Variants in PDE1B observed in about 807,000 individuals in gnomAD.
PDE1B encodes phosphodiesterase 1B, also known as dual specificity calcium/calmodulin-dependent 3',5'-cyclic nucleotide phosphodiesterase 1B.
PDE1B carries 13 observed loss-of-function variants against 66.7 expected under a neutral mutation model. That is an observed-to-expected ratio of 0.19 (90% CI 0.13 to 0.31). The LOEUF is 0.31. Among genes scored for constraint, PDE1B ranks in the 10% least tolerant of loss-of-function variants. PDE1B has a pLI of 1.00. For synonymous variants in PDE1B, 230 were observed against 253.9 expected (o/e 0.91, Z 0.90); for missense variants, 485 against 682.3 (o/e 0.71, Z 3.22).
Position 54,576,566 on chromosome 12 carries a change from T to C in PDE1B, c.1377-5T>C, listed in dbSNP as rs756697719. 4 of 1,613,848 alleles carry C rather than the reference T, an allele frequency of 2.5e-6. No individual in the cohort carries two copies. In the African/African-American group the frequency reaches 5.3e-5, roughly 22 times the overall value. The stretch of plus-strand genomic sequence containing the variant: ...TCTTGCGGCTTTTGGGGGTTCTGCT[T>C]CTAGCTTTCAGTGGCGCCAGCCCTC... On this transcript the variant is annotated splice_polypyrimidine_tract_variant and splice_region_variant and intron_variant, in intron 13 of 15. Coordinates refer to ENST00000243052, the MANE Select transcript of PDE1B (RefSeq NM_000924.4).
intron 2 of PDE1B, among the ~76,000 whole-genome samples, chr12:54,550,391 TCA>T (rs1226312513): frequency 6.6e-6 from 1 of 152,228 alleles, no homozygotes; most frequent in African/African-American, 2.4e-5. Context: ...TGAGCGTGGG[TCA>T]CAGAGGTATG....
At chr12:54,562,415 G>A (rs748044469) in intron 2 of PDE1B, among the ~76,000 whole-genome samples, 1 of 152,214 alleles carries the variant, frequency 6.6e-6, no homozygotes, top group Non-Finnish European at 1.5e-5. Flanking sequence ...TGGTGGTGGT[G>A]AAACGGGCAG....
chr12:54,570,579 A>G (rs1028723613), intron 6 of PDE1B: 2 of 538,734 alleles, frequency 3.7e-6, no homozygotes, highest in Admixed American at 3.1e-5. Flanking sequence ...TCGGTCTGCA[A>G]CCATCTAGCC....
At chr12:54,568,727 C>T (rs1012760825) in intron 3 of PDE1B, among the ~76,000 whole-genome samples, 2 of 151,236 alleles carry the variant, frequency 1.3e-5, no homozygotes, top group Admixed American at 6.6e-5. Flanking sequence ...ACCCGGGAGG[C>T]GGAGGTTGCA....
rs73312524 is a variant in PDE1B, at chr12:54,556,954, T to C, written c.113+6969T>C. Among the ~76,000 whole-genome samples, 728 of 151,988 alleles carry C rather than the reference T, an allele frequency of 4.8e-3. 4 individuals are homozygous for C. The highest frequency in any genetic ancestry group is 0.016 in the African/African-American group (668 of 41,448). On this transcript the variant is annotated intron_variant, in intron 2 of 15. Transcript: ENST00000243052. ...CTGGCAGGCAGGACCTGGGGAAAGT[T>C]TTTCCTTTTATTCCTATTTGTTGGC... is the stretch of plus-strand genomic sequence containing the variant.
rs966663179 is a variant in PDE1B, at chr12:54,573,764, T to TG, written c.1064+62dup. On this transcript the variant is annotated intron_variant, in intron 10 of 15. Transcript: ENST00000243052. This position sits in a 1 kb window ranked among gnomAD's most constrained non-coding sequence, Gnocchi z 5.2. ...AGGCCAGAGGGAGGGGTGTGTGAAC[T>TG]GGGGGGGTATACACAAGGGTAGTTG... 70 of 1,251,544 alleles carry TG rather than the reference T, an allele frequency of 5.6e-5. No individual in the cohort carries two copies. Among genetic ancestry groups the TG allele is most frequent in the Non-Finnish European group, 7.7e-5 (66 of 853,610 alleles). The allele number at this position is 1,251,544 out of a possible 1,614,324, so 77.5% of individuals were successfully genotyped here. A position where few individuals can be genotyped will look rare whatever the true frequency, so the allele number is the denominator to read the frequency against.
intron 2 of PDE1B, among the ~76,000 whole-genome samples, chr12:54,566,475 G>A (rs993699034): frequency 1.3e-5 from 2 of 152,184 alleles, no homozygotes; most frequent in Non-Finnish European, 2.9e-5. Flanking sequence ...CTGTGGACAC[G>A]TAACCCCCAC....
chr12:54,550,251 C>T, intron 2 of PDE1B: 1 of 1,331,628 alleles, frequency 7.5e-7, no homozygotes. Flanking sequence ...ACACACGCAG[C>T]GCCTAGAGGC....
At chr12:54,553,169 C>T (rs1400287065) in intron 2 of PDE1B, among the ~76,000 whole-genome samples, 1 of 48,428 alleles carries the variant, frequency 2.1e-5, no homozygotes, top group African/African-American at 5.4e-5. Context: ...TGTTTTGCTA[C>T]ACCCACCCAA....
At chr12:54,561,165 AC>A (rs1290574497) in intron 2 of PDE1B, among the ~76,000 whole-genome samples, 1 of 150,726 alleles carries the variant, frequency 6.6e-6, no homozygotes, top group Non-Finnish European at 1.5e-5. Context: ...CCCGCTACAG[AC>A]CTCCTCTCTG....
At chr12:54,576,898 A>G (rs1957762999) in intron 14 of PDE1B, 197 bp downstream of exon 14, 1 of 628,754 alleles carries the variant, frequency 1.6e-6, no homozygotes, top group South Asian at 2.0e-5. Context: ...GGGGCCGTAG[A>G]GATGATAGAG....
At chr12:54,565,009 G>A (rs932210254) in intron 2 of PDE1B, among the ~76,000 whole-genome samples, 1 of 152,218 alleles carries the variant, frequency 6.6e-6, no homozygotes, top group Non-Finnish European at 1.5e-5. Flanking sequence ...ATGAGATAAT[G>A]TAGGAGAAAG....
chr12:54,555,666 T>C (rs971212790), intron 2 of PDE1B, among the ~76,000 whole-genome samples: 8 of 152,082 alleles, frequency 5.3e-5, no homozygotes, highest in African/African-American at 1.9e-4. Context: ...TGAAAACAGG[T>C]CTTCCCTCTC....
rs1166296681 is a variant in PDE1B at position 54,573,752 on chromosome 12, G to A, written c.1064+43G>A. 6.9e-7 allele frequency: 1 copy of A among 1,459,426 alleles called. No homozygotes were observed. Among genetic ancestry groups the A allele is most frequent in the Non-Finnish European group, 9.6e-7 (1 of 1,040,458 alleles). The allele number at this position is 1,459,426 out of a possible 1,614,324, so 90.4% of individuals were successfully genotyped here. ...GTGGCTGGGGCCAGGCCAGAGGGAG[G>A]GGTGTGTGAACTGGGGGGGTATACA... On this transcript the variant is annotated intron_variant, in intron 10 of 15. Coordinates refer to ENST00000243052, the MANE Select transcript of PDE1B (RefSeq NM_000924.4). This position sits in a 1 kb window ranked among gnomAD's most constrained non-coding sequence, Gnocchi z 5.2.
At chr12:54,568,664 T>C (rs1957560551) in intron 3 of PDE1B, among the ~76,000 whole-genome samples, 1 of 151,900 alleles carries the variant, frequency 6.6e-6, no homozygotes, top group East Asian at 1.9e-4. Flanking sequence ...GGCGTGGTGG[T>C]AGGCACCTGT....
At chr12:54,560,145 T>C (rs1424689513) in intron 2 of PDE1B, among the ~76,000 whole-genome samples, 3 of 152,154 alleles carry the variant, frequency 2.0e-5, no homozygotes, top group African/African-American at 7.2e-5. Context: ...CCTTAAGATA[T>C]TTGACTTCCA....
Position 54,573,870 on chromosome 12 carries a change from A to AGAGAGAGAGAGAGAGAGAGAGAGTGTGT in PDE1B, c.1064+162_1064+163insAGAGAGAGAGAGAGAGAGAGAGTGTGTG, listed in dbSNP as rs774810310. ...GCATCTCTATGTGAGAGAGAGAGAGAGTGTGTGTGTGTGTGTGTGTGTGTG... is the reference window on the plus strand; with the variant it reads ...GCATCTCTATGTGAGAGAGAGAGAGAGAGAGAGAGAGAGAGAGAGAGAGTGTGTGTGTGTGTGTGTGTGTGTGTGTGTG... On this transcript the variant is annotated intron_variant, in intron 10 of 15. Coordinates refer to ENST00000243052, the MANE Select transcript of PDE1B (RefSeq NM_000924.4). This position sits in a 1 kb window ranked among gnomAD's most constrained non-coding sequence, Gnocchi z 5.2. 3 of 423,592 alleles carry AGAGAGAGAGAGAGAGAGAGAGAGTGTGT rather than the reference A, an allele frequency of 7.1e-6. No homozygotes were observed. The highest frequency in any genetic ancestry group is 7.0e-5 in the African/African-American group (3 of 43,044). The allele number at this position is 423,592 out of a possible 1,614,324, so 26.2% of individuals were successfully genotyped here. A position where few individuals can be genotyped will look rare whatever the true frequency, so the allele number is the denominator to read the frequency against.
At chr12:54,552,786 T>G (rs988205752) in intron 2 of PDE1B, among the ~76,000 whole-genome samples, 1 of 152,228 alleles carries the variant, frequency 6.6e-6, no homozygotes, top group African/African-American at 2.4e-5. Context: ...AGAGGCCATC[T>G]GGAGATGATG....
intron 3 of PDE1B, 119 bp downstream of exon 3, chr12:54,567,206 G>T: frequency 7.7e-6 from 4 of 516,404 alleles, no homozygotes; most frequent in Admixed American, 6.6e-5. Context: ...AAGAGAGAGG[G>T]TGGACCAGAT....
Sources: gnomAD v4.1 joint callset for allele counts (sites outside exome capture counted in the v4.1 genomes callset) on GRCh38, gnomAD v4.1.1 for gene constraint, Gnocchi (gnomAD v3.1) non-coding constraint, MANE v1.5 for transcripts, NCBI Gene and HGNC (gene_info 2026-07-23, HGNC 2026-07-21) for gene names.